PNPT1: variants seen among roughly 807,000 people sequenced by gnomAD.
PNPT1 encodes polyribonucleotide nucleotidyltransferase 1, mitochondrial.
PNPT1 carries 53 observed loss-of-function variants against 119.5 expected under a neutral mutation model. The ratio of observed to expected loss-of-function variants is 0.44; its 90% CI spans 0.36 to 0.56. The LOEUF (loss-of-function observed/expected upper bound fraction) is 0.56. Ranked by LOEUF, PNPT1 falls within the 20% of genes least tolerant of loss-of-function variation. PNPT1 has a pLI of 0.00. For synonymous variants in PNPT1, 357 were observed against 322.1 expected, an observed-to-expected ratio of 1.11 and a Z score of -1.16; for missense variants, 948 against 938.5, an observed-to-expected ratio of 1.01 and a Z score of -0.13.
At chr2:55,683,888 TTCAAAACGTTTG>T in intron 4 of PNPT1, 54 bp from the exon 5 acceptor site, 1 of 1,551,476 alleles carries the variant, frequency 6.4e-7, no homozygotes, top group South Asian at 1.1e-5. Flanking sequence ...TGCTTTACAG[TTCAAAACGTTTG>T]AACTAATATA....
chr2:55,636,224 T>TAA lies in PNPT1; in HGVS notation c.*12_*13insTT. 1 of 1,538,890 alleles carries TAA rather than the reference T, an allele frequency of 6.5e-7. No individual in the cohort carries two copies. The highest frequency in any genetic ancestry group is 8.9e-7 in the Non-Finnish European group (1 of 1,129,818). ...ACAAAATAGAATTCTAGAATTCTCT[T>TAA]TAAAAAAAAAAATCACTGAGAATTA... is the stretch of plus-strand genomic sequence containing the variant. On this transcript the variant is annotated 3_prime_UTR_variant, in exon 28 of 28. Coordinates refer to ENST00000447944, the MANE Select transcript of PNPT1 (RefSeq NM_033109.5).
chr2:55,671,060 T>C (rs1390691610), intron 11 of PNPT1, among the ~76,000 whole-genome samples: 1 of 152,172 alleles, frequency 6.6e-6, no homozygotes, highest in African/African-American at 2.4e-5. Context: ...GGACTTTCTC[T>C]TTCCCCGAAA....
rs186464643 is a variant in PNPT1, at chr2:55,673,947, T to C, written c.680-868A>G. Among the ~76,000 whole-genome samples, 283 of 151,906 alleles carry C rather than the reference T, an allele frequency of 1.9e-3. 1 individual carries two copies. Among genetic ancestry groups the C allele is most frequent in the Non-Finnish European group, 3.3e-3 (225 of 67,950 alleles). ...CATGTTGCCCAGGCTGCTCTCGAAC[T>C]CCTGACCTCAGGTGATTAACCCGCC... On this transcript the variant is annotated intron_variant, in intron 8 of 27. Transcript: ENST00000447944.
intron 1 of PNPT1, among the ~76,000 whole-genome samples, chr2:55,693,387 C>G (rs923926633): frequency 5.3e-5 from 8 of 152,074 alleles, no homozygotes; most frequent in African/African-American, 1.9e-4. Context: ...CCCAGTGGTC[C>G]CGGAAAGTAA....
In PNPT1 at chr2:55,635,689, G is replaced by C. The variant is rs370779703; in HGVS notation, c.*548C>G. 6.7e-6 allele frequency: 1 copy of C among 149,608 alleles called. No homozygotes were observed. The highest frequency in any genetic ancestry group is 2.5e-5 in the African/African-American group (1 of 40,722). 9.3% of individuals were successfully genotyped at this position (149,608 alleles called of 1,614,324 possible). A position where few individuals can be genotyped will look rare whatever the true frequency, so the allele number is the denominator to read the frequency against. On this transcript the variant is annotated 3_prime_UTR_variant, in exon 28 of 28. Transcript: ENST00000447944. ...TATGATTTGGTAACTAATTTGAAAG[G>C]CATTATATTATCAAAAGTGTATCAG...
In PNPT1 at chr2:55,679,592, C is replaced by T. The variant is rs1697182356; in HGVS notation, c.679+90G>A. 3.2e-6 allele frequency: 3 copies of T among 931,876 alleles called. No homozygotes were observed. In the South Asian group the frequency reaches 4.8e-5, roughly 15 times the overall value. The allele number at this position is 931,876 out of a possible 1,614,324, so 57.7% of individuals were successfully genotyped here. On this transcript the variant is annotated intron_variant, in intron 8 of 27. Coordinates refer to ENST00000447944, the MANE Select transcript of PNPT1 (RefSeq NM_033109.5). ...TGACAAAAATTTTTATGGCTACCGACAAAACATACACACAGAGTTTAAATT... is the reference window on the plus strand; with the variant it reads ...TGACAAAAATTTTTATGGCTACCGATAAAACATACACACAGAGTTTAAATT...
intron 4 of PNPT1, 88 bp from the exon 5 acceptor site, chr2:55,683,922 AAT>A (rs1697322045): frequency 1.5e-6 from 2 of 1,296,796 alleles, no homozygotes; most frequent in Admixed American, 4.0e-5. Context: ...ATAGCCATTC[AAT>A]ATGTTTTCAA....
rs1695714861 is a variant in PNPT1 at position 55,637,609 on chromosome 2, A to G, written c.2149-10T>C. On this transcript the variant is annotated splice_polypyrimidine_tract_variant and intron_variant, in intron 26 of 27. Coordinates refer to ENST00000447944, the MANE Select transcript of PNPT1 (RefSeq NM_033109.5). ...CAGTAGGATGTTTAATCTGGAAAAAAAAATGTTAATCTATTAGTTGTTGTG... is the reference window on the plus strand; with the variant it reads ...CAGTAGGATGTTTAATCTGGAAAAAGAAATGTTAATCTATTAGTTGTTGTG... The G allele has an allele frequency of 1.9e-6, 3 of 1,592,908 alleles. No individual in the cohort carries two copies. The highest frequency in any genetic ancestry group is 2.6e-6 in the Non-Finnish European group (3 of 1,160,828).
chr2:55,669,655 C>T (rs1040091785), intron 11 of PNPT1, among the ~76,000 whole-genome samples: 4 of 152,054 alleles, frequency 2.6e-5, no homozygotes, highest in Non-Finnish European at 5.9e-5. Context: ...AGACAATATT[C>T]GCTATAAAAT....
chr2:55,678,779 C>T (rs1231992856), intron 8 of PNPT1, among the ~76,000 whole-genome samples: 2 of 152,220 alleles, frequency 1.3e-5, no homozygotes, highest in Non-Finnish European at 2.9e-5. Context: ...TTCGACAACA[C>T]AACCCCCAAC....
Position 55,656,132 on chromosome 2 carries a change from A to T in PNPT1, c.1440T>A (p.Asn480Lys). 1 of 1,612,500 alleles carries T rather than the reference A, an allele frequency of 6.2e-7. No individual in the cohort carries two copies. The highest frequency in any genetic ancestry group is 8.5e-7 in the Non-Finnish European group (1 of 1,179,368). Residue 480 changes from asparagine (N) to lysine (K), a missense_variant and splice_region_variant, in exon 17 of 28, where the codon AAT becomes AAA. Physicochemically the swap from Asn to Lys is moderately conservative, Grantham distance 94. Coordinates refer to ENST00000447944, the MANE Select transcript of PNPT1 (RefSeq NM_033109.5). ...IRVTSEVLES[N>K]GSSSMASACG... ...GAAAGAAGTATTTCAATACCATACC[A>T]TTTGACTCTAGGACTTCAGATGTAA...
chr2:55,637,864 G>T (rs1320303405), intron 26 of PNPT1, among the ~76,000 whole-genome samples: 4 of 151,998 alleles, frequency 2.6e-5, no homozygotes, highest in Non-Finnish European at 5.9e-5. Flanking sequence ...GCCGGGCATG[G>T]TGGCGGGCGC....
intron 2 of PNPT1, 72 bp from the exon 3 acceptor site, chr2:55,686,516 A>T: frequency 1.8e-6 from 2 of 1,117,784 alleles, no homozygotes; most frequent in Non-Finnish European, 2.7e-6. Context: ...CAACTGAATA[A>T]ATCCTTACTC....
Position 55,646,394 on chromosome 2 carries a change from CA to C in PNPT1, c.1674+20del, listed in dbSNP as rs149526231. 2,277 of 1,608,324 alleles carry C rather than the reference CA, an allele frequency of 1.4e-3. 8 individuals carry two copies. Among genetic ancestry groups the C allele is most frequent in the Middle Eastern group, 0.013 (81 of 6,034 alleles). On this transcript the variant is annotated intron_variant, in intron 20 of 27. Transcript: ENST00000447944. ...TTATTTAAATGTTACAAAAATGAAA[CA>C]AAATGGGTTTTAAAAATACCTGTAA... is the stretch of plus-strand genomic sequence containing the variant.
intron 25 of PNPT1, 131 bp downstream of exon 25, chr2:55,643,027 C>T (rs1695881401): frequency 2.3e-6 from 2 of 881,656 alleles, no homozygotes; most frequent in African/African-American, 3.4e-5. Flanking sequence ...GGTGGGAGAA[C>T]TGCCTGATCC....
At chr2:55,673,104 AAAT>A in intron 8 of PNPT1, 25 bp from the exon 9 acceptor site, 2 of 1,511,278 alleles carry the variant, frequency 1.3e-6, no homozygotes, top group African/African-American at 1.4e-5. Context: ...AAGAAAAAAA[AAAT>A]GACTGCCATC....
At chr2:55,663,179 C>G (rs1461562384) in intron 13 of PNPT1, among the ~76,000 whole-genome samples, 1 of 151,992 alleles carries the variant, frequency 6.6e-6, no homozygotes, top group African/African-American at 2.4e-5. Context: ...CCACCACGCC[C>G]GGCGACAAAA....
chr2:55,677,588 CTA>C (rs1340131042), intron 8 of PNPT1, among the ~76,000 whole-genome samples: 2 of 87,150 alleles, frequency 2.3e-5, no homozygotes, highest in Admixed American at 1.9e-4. Context: ...CAGAGCGAGA[CTA>C]TGTCTCAAAA....
intron 1 of PNPT1, among the ~76,000 whole-genome samples, chr2:55,691,708 A>C (rs1697605260): frequency 6.6e-6 from 1 of 151,996 alleles, no homozygotes; most frequent in South Asian, 2.1e-4. Context: ...TCCTTGAAGA[A>C]TGGAAGAGAT....
Sources: allele counts gnomAD v4.1 joint callset (sites outside exome capture counted in the v4.1 genomes callset), GRCh38; gene constraint gnomAD v4.1.1; transcripts MANE v1.5; gene names NCBI Gene and HGNC (gene_info 2026-07-23, HGNC 2026-07-21).